ZNF850: variants seen among roughly 807,000 people sequenced by gnomAD.
The protein encoded by ZNF850 is zinc finger protein 850.
A neutral mutation model predicts 11.9 loss-of-function variants in ZNF850; 2 were observed. The ratio of observed to expected loss-of-function variants is 0.17; its 90% CI spans 0.07 to 0.53. The LOEUF is 0.53. Ranked by LOEUF, ZNF850 falls within the 20% of genes least tolerant of loss-of-function variation. ZNF850 has a pLI of 0.94. For missense variants in ZNF850, 1,014 were observed against 1,316.4 expected (o/e 0.77, Z 3.55); for synonymous variants, 381 against 443.0 (o/e 0.86, Z 1.76).
At chr19:36,765,490 TC>T (rs1217081830) in intron 1 of ZNF850, among the ~76,000 whole-genome samples, 4 of 152,302 alleles carry the variant, frequency 2.6e-5, no homozygotes, top group African/African-American at 9.6e-5. Context: ...GCTTTATATT[TC>T]CTCAAGTAAA....
rs371481745 is a variant in ZNF850, at chr19:36,765,582, A to ATTTT, written c.-69-2911_-69-2908dup. Among the ~76,000 whole-genome samples, 45 of 124,424 alleles carry ATTTT rather than the reference A, an allele frequency of 3.6e-4. 1 individual carries two copies. Among genetic ancestry groups the ATTTT allele is most frequent in the African/African-American group, 9.3e-4 (30 of 32,186 alleles). The allele number at this position is 124,424 out of a possible 152,430, so 81.6% of individuals were successfully genotyped here. A position where few individuals can be genotyped will look rare whatever the true frequency, so the allele number is the denominator to read the frequency against. On this transcript the variant is annotated intron_variant, in intron 1 of 4. Coordinates refer to ENST00000591344, the MANE Select transcript of ZNF850 (RefSeq NM_001193552.2). ...TTCTAAGTACTTATCCAAAGTAAAG[A>ATTTT]TTTTTTTTTTTTTTTTTTTGAGATG...
chr19:36,753,422 C>CAAAAAAA (rs58851544), intron 4 of ZNF850, among the ~76,000 whole-genome samples: 1,067 of 46,590 alleles, frequency 0.023, 253 homozygotes, highest in South Asian at 0.058. Flanking sequence ...GACACTGTCT[C>CAAAAAAA]AAAAAAAAAA....
At chr19:36,764,723 C>T (rs1412870011) in intron 1 of ZNF850, among the ~76,000 whole-genome samples, 1 of 142,998 alleles carries the variant, frequency 7.0e-6, no homozygotes, top group Non-Finnish European at 1.5e-5. Flanking sequence ...TCTTTCCTTT[C>T]CCTTTTTTTT....
rs746457616 is a variant in ZNF850, at chr19:36,748,895, T to C, written c.2145A>G (p.Gly715=). The change falls in exon 5 of 5, where the codon GGA becomes GGG. Residue 715 remains glycine (G), a synonymous_variant. Coordinates refer to ENST00000591344, the MANE Select transcript of ZNF850 (RefSeq NM_001193552.2). The stretch of plus-strand genomic sequence containing the variant: ...TGTGATTTTGCTGATGTTGAATTAG[T>C]CCTGAGCAGAAAGTAAAAGATTTCC... ...ECGKSFTFCS[G]LIQHQQNHTD... is the part of the protein sequence containing the mutation. The C allele has an allele frequency of 3.2e-5, 50 of 1,556,776 alleles. No homozygotes were observed. The African/African-American group carries it at 6.1e-4, about 19-fold the overall frequency.
intron 1 of ZNF850, among the ~76,000 whole-genome samples, chr19:36,764,061 A>G (rs1327472322): frequency 1.3e-5 from 2 of 151,982 alleles, no homozygotes; most frequent in Admixed American, 6.6e-5. Context: ...CCCGGCCAAC[A>G]TGGTGAAACC....
In ZNF850 at chr19:36,745,179, A is replaced by ATGTGTG. The variant is rs71171469; in HGVS notation, c.*2582_*2587dup. On this transcript the variant is annotated 3_prime_UTR_variant, in exon 5 of 5. Coordinates refer to ENST00000591344, the MANE Select transcript of ZNF850 (RefSeq NM_001193552.2). ...CCTTAAAATAACCTTCTTAAAAGAT[A>ATGTGTG]TGTGTGTGTGTGTGTGTGTATATAA... 1.3e-5 allele frequency: 2 copies of ATGTGTG among 150,734 alleles called. No individual in the cohort carries two copies. Among genetic ancestry groups the ATGTGTG allele is most frequent in the Non-Finnish European group, 3.0e-5 (2 of 67,656 alleles). 9.3% of individuals were successfully genotyped at this position (150,734 alleles called of 1,614,324 possible). A position where few individuals can be genotyped will look rare whatever the true frequency, so the allele number is the denominator to read the frequency against.
intron 1 of ZNF850, 133 bp from the exon 2 acceptor site, chr19:36,762,808 T>G: frequency 1.7e-6 from 1 of 586,124 alleles, no homozygotes; most frequent in Non-Finnish European, 3.0e-6. Context: ...CAAATTACTA[T>G]TTACAACAAA....
At chr19:36,759,723 A>T (rs1209637447) in intron 4 of ZNF850, among the ~76,000 whole-genome samples, 24 of 151,988 alleles carry the variant, frequency 1.6e-4, no homozygotes, top group Non-Finnish European at 1.6e-4. Flanking sequence ...GTTAATAATT[A>T]AAAAAAAATT....
intron 1 of ZNF850, 80 bp downstream of exon 1, chr19:36,772,645 A>C (rs1193283328): frequency 6.5e-6 from 1 of 153,470 alleles, no homozygotes; most frequent in East Asian, 1.9e-4. Flanking sequence ...ACGGAGACCC[A>C]CGGCAGCCAT....
chr19:36,758,036 A>C (rs983574617), intron 4 of ZNF850, among the ~76,000 whole-genome samples: 5 of 152,208 alleles, frequency 3.3e-5, no homozygotes, highest in Non-Finnish European at 7.3e-5. Context: ...GTTAAATCTA[A>C]TTAGCCCCAT....
intron 3 of ZNF850, 22 bp from the exon 4 acceptor site, chr19:36,761,760 A>C: frequency 7.0e-7 from 1 of 1,423,390 alleles, no homozygotes. Flanking sequence ...AAAAGAAGTA[A>C]GATAGCCAGG....
chr19:36,768,645 A>C (rs1325477935), intron 1 of ZNF850, among the ~76,000 whole-genome samples: 1 of 152,066 alleles, frequency 6.6e-6, no homozygotes, highest in Non-Finnish European at 1.5e-5. Flanking sequence ...AGTGAATCTC[A>C]CTATAGTCCT....
intron 4 of ZNF850, among the ~76,000 whole-genome samples, chr19:36,753,371 C>T (rs1333815312): frequency 7.2e-6 from 1 of 138,938 alleles, no homozygotes; most frequent in Non-Finnish European, 1.5e-5. Context: ...GCAAGATTAC[C>T]AGAGCCCAGG....
intron 4 of ZNF850, among the ~76,000 whole-genome samples, chr19:36,758,391 G>C (rs1459688226): frequency 6.6e-6 from 1 of 151,908 alleles, no homozygotes; most frequent in African/African-American, 2.4e-5. Context: ...TTCTTTTTTT[G>C]TTTTCTTGAG....
At chr19:36,771,333 T>TG (rs1240163563) in intron 1 of ZNF850, among the ~76,000 whole-genome samples, 3 of 152,134 alleles carry the variant, frequency 2.0e-5, no homozygotes, top group Non-Finnish European at 4.4e-5. Context: ...AGCTTGGCCC[T>TG]GGGACCTTAG....
In ZNF850 at chr19:36,758,649, G is replaced by A. The variant is rs144067353; in HGVS notation, c.235+2994C>T. Among the ~76,000 whole-genome samples the A allele has an allele frequency of 2.6e-5, 4 of 152,246 alleles. No individual in the cohort carries two copies. The East Asian group carries it at 7.7e-4, about 29-fold the overall frequency. ...TAAATGCTCTCATCTAAAATCATAT[G>A]GTTGTGGCATATCAGATCTTTTCAC... On this transcript the variant is annotated intron_variant, in intron 4 of 4. Coordinates refer to ENST00000591344, the MANE Select transcript of ZNF850 (RefSeq NM_001193552.2).
At chr19:36,751,081 A>AG (rs1227526718) in intron 4 of ZNF850, among the ~76,000 whole-genome samples, 2 of 151,362 alleles carry the variant, frequency 1.3e-5, no homozygotes, top group East Asian at 3.9e-4. Context: ...AAAAAAAAAA[A>AG]AAAAAAAGAT....
In ZNF850 at chr19:36,758,161, G is replaced by A. The variant is rs186502872; in HGVS notation, c.235+3482C>T. Reference sequence around the variant, plus strand: ...ATAAAAAACTAAAACCTTAAATGACGACTCATGCCTTACAGGTGTAGTATG... The same window carrying A: ...ATAAAAAACTAAAACCTTAAATGACAACTCATGCCTTACAGGTGTAGTATG... On this transcript the variant is annotated intron_variant, in intron 4 of 4. Coordinates refer to ENST00000591344, the MANE Select transcript of ZNF850 (RefSeq NM_001193552.2). 3.5e-4 allele frequency among the ~76,000 whole-genome samples: 54 copies of A among 152,128 alleles called. 1 individual carries two copies. The highest frequency in any genetic ancestry group is 2.6e-3 in the Admixed American group (39 of 15,252).
chr19:36,765,876 G>A (rs1025687273), intron 1 of ZNF850, among the ~76,000 whole-genome samples: 56 of 151,036 alleles, frequency 3.7e-4, no homozygotes, highest in African/African-American at 1.2e-3. Context: ...GAGCCACCAC[G>A]CCCGGCCAAT....
Sources: gnomAD v4.1 joint callset for allele counts (sites outside exome capture counted in the v4.1 genomes callset) on GRCh38, gnomAD v4.1.1 for gene constraint, MANE v1.5 for transcripts, NCBI Gene and HGNC (gene_info 2026-07-23, HGNC 2026-07-21) for gene names.